The following CSMD1 variants were observed in gnomAD, a reference collection of about 807,000 sequenced individuals.
CSMD1 encodes CUB and Sushi multiple domains 1.
Under a neutral mutation model 417.5 loss-of-function variants are expected in CSMD1, and 213 were observed. The ratio of observed to expected loss-of-function variants is 0.51; its 90% CI spans 0.46 to 0.57. The LOEUF (loss-of-function observed/expected upper bound fraction) is 0.57. Among genes scored for constraint, CSMD1 ranks in the 20% least tolerant of loss-of-function variants. The probability of loss-of-function intolerance (pLI) is 0.00; values close to 1 mark genes in which losing one functional copy is unlikely to be tolerated. For synonymous variants in CSMD1, 2,862 were observed against 1,736.8 expected, an observed-to-expected ratio of 1.65 and a Z score of -16.11; for missense variants, 6,923 against 4,529.7, an observed-to-expected ratio of 1.53 and a Z score of -15.17.
At chr8:4,153,985 G>C (rs1796699151) in intron 3 of CSMD1, among the ~76,000 whole-genome samples, 1 of 152,162 alleles carries the variant, frequency 6.6e-6, no homozygotes, top group Admixed American at 6.5e-5. Flanking sequence ...TGAGAAGGCA[G>C]AATCCAATGA....
At chr8:4,291,154 T>C (rs1386713297) in intron 3 of CSMD1, among the ~76,000 whole-genome samples, 1 of 152,186 alleles carries the variant, frequency 6.6e-6, no homozygotes, top group African/African-American at 2.4e-5. Context: ...GGTTTGGGGA[T>C]TATCTATATT....
At chr8:4,463,089 T>C (rs758222221) in intron 2 of CSMD1, among the ~76,000 whole-genome samples, 3 of 152,130 alleles carry the variant, frequency 2.0e-5, no homozygotes, top group Admixed American at 6.6e-5. Flanking sequence ...CTCTTAAAAC[T>C]CAGCAATAAA....
At chr8:2,951,011 A>G (rs1802588464) in intron 66 of CSMD1, 103 bp downstream of exon 66, 4 of 1,191,742 alleles carry the variant, frequency 3.4e-6, no homozygotes, top group East Asian at 2.5e-5. Flanking sequence ...AAGCCAACAG[A>G]ACAGTAATAA....
chr8:4,918,081 G>C (rs552428947), intron 1 of CSMD1, among the ~76,000 whole-genome samples: 5,826 of 110,952 alleles, frequency 0.053, 151 homozygotes, highest in South Asian at 0.084. Context: ...TTATGAGTTA[G>C]CAATACTTTT....
intron 52 of CSMD1, among the ~76,000 whole-genome samples, chr8:3,001,470 G>A (rs1042919529): frequency 6.6e-6 from 1 of 152,106 alleles, no homozygotes; most frequent in East Asian, 1.9e-4. Flanking sequence ...AATTGGACCT[G>A]TGTTACACAT....
chr8:4,550,633 G>T (rs1465681582), intron 2 of CSMD1, among the ~76,000 whole-genome samples: 1 of 152,058 alleles, frequency 6.6e-6, no homozygotes, highest in Admixed American at 6.6e-5. Flanking sequence ...TAGATGTTGG[G>T]ATTTAAAAGG....
intron 6 of CSMD1, among the ~76,000 whole-genome samples, chr8:3,731,283 C>G (rs1278782032): frequency 6.6e-6 from 1 of 152,190 alleles, no homozygotes; most frequent in African/African-American, 2.4e-5. Context: ...TATGGAGATA[C>G]AGATGCATCT....
chr8:3,462,156 A>C (rs1816545821), intron 12 of CSMD1, among the ~76,000 whole-genome samples: 1 of 150,732 alleles, frequency 6.6e-6, no homozygotes, highest in African/African-American at 2.4e-5. Flanking sequence ...CTCGGGACCC[A>C]CACTGCATTT....
rs1813620938 is a variant in CSMD1, at chr8:3,978,602, G to C, written c.818+19301C>G. Among the ~76,000 whole-genome samples, 4 of 152,096 alleles carry C rather than the reference G, an allele frequency of 2.6e-5. No homozygotes were observed. The Middle Eastern group carries it at 0.014, about 517-fold the overall frequency. ...AATGAATAGATTGAGGCATGTTGGG[G>C]GTAAATAATTGGAAGGAAACGTCTC... On this transcript the variant is annotated intron_variant, in intron 5 of 69. Transcript: ENST00000635120.
rs375018980 is a variant in CSMD1 at position 3,772,167 on chromosome 8, C to CATATATATATAT, written c.819-18137_819-18126dup. Among the ~76,000 whole-genome samples, 407 of 44,866 alleles carry CATATATATATAT rather than the reference C, an allele frequency of 9.1e-3. 30 individuals are homozygous for CATATATATATAT. Among genetic ancestry groups the CATATATATATAT allele is most frequent in the East Asian group, 0.04 (63 of 1,576 alleles). 29.4% of individuals were successfully genotyped at this position (44,866 alleles called of 152,430 possible). A position where few individuals can be genotyped will look rare whatever the true frequency, so the allele number is the denominator to read the frequency against. On this transcript the variant is annotated intron_variant, in intron 5 of 69. Transcript: ENST00000635120. ...CTCCTTGAATTCTCAGAAAGGGCAA[C>CATATATATATAT]ATATATATATATATATATATATACA...
intron 5 of CSMD1, among the ~76,000 whole-genome samples, chr8:3,805,686 T>C (rs964569613): frequency 3.9e-5 from 6 of 152,130 alleles, no homozygotes; most frequent in African/African-American, 9.7e-5. Context: ...TACTGTACCA[T>C]TGTGTTTCAT....
chr8:4,007,456 T>C (rs769920403), intron 4 of CSMD1, among the ~76,000 whole-genome samples: 2 of 152,178 alleles, frequency 1.3e-5, no homozygotes, highest in African/African-American at 2.4e-5. Flanking sequence ...TCTCCCTGTC[T>C]GACTTCAGAG....
rs181668156 is a variant in CSMD1 at position 4,679,650 on chromosome 8, G to A, written c.86-42092C>T. Among the ~76,000 whole-genome samples the A allele has an allele frequency of 8.5e-5, 13 of 152,130 alleles. No individual in the cohort carries two copies. In the East Asian group the frequency reaches 1.9e-3, roughly 23 times the overall value. Reference sequence around the variant, plus strand: ...ATCTACAAAAGATAATATCTTACTAGGAAGTTAGGAGGATCAAACAACATA... The same window carrying A: ...ATCTACAAAAGATAATATCTTACTAAGAAGTTAGGAGGATCAAACAACATA... On this transcript the variant is annotated intron_variant, in intron 1 of 69. Transcript: ENST00000635120.
intron 26 of CSMD1, among the ~76,000 whole-genome samples, chr8:3,252,203 A>G (rs911804888): frequency 5.9e-5 from 9 of 152,198 alleles, no homozygotes; most frequent in African/African-American, 2.2e-4. Flanking sequence ...TGGGTTTGTC[A>G]TAGATAGCTC....
chr8:4,287,368 G>A (rs17335036), intron 3 of CSMD1, among the ~76,000 whole-genome samples: 15,942 of 152,214 alleles, frequency 0.1, 1,078 homozygotes, highest in Non-Finnish European at 0.15. Context: ...ACACAATCTA[G>A]AGGAACAATG....
intron 26 of CSMD1, among the ~76,000 whole-genome samples, chr8:3,268,872 A>G (rs1017276968): frequency 1.3e-5 from 2 of 152,148 alleles, no homozygotes; most frequent in Non-Finnish European, 2.9e-5. Context: ...CCCTTCCAAC[A>G]TGAGCTGGAT....
chr8:3,258,465 A>G (rs1800817025), intron 26 of CSMD1, among the ~76,000 whole-genome samples: 2 of 152,360 alleles, frequency 1.3e-5, no homozygotes, highest in East Asian at 3.9e-4. Flanking sequence ...GAGGTTGTGG[A>G]GAGAAAGGAA....
chr8:4,596,961 A>T (rs1585307516), intron 2 of CSMD1, among the ~76,000 whole-genome samples: 2 of 151,940 alleles, frequency 1.3e-5, no homozygotes, highest in Admixed American at 6.6e-5. Context: ...TTCTCTTGCC[A>T]CCTCCATGTT....
intron 3 of CSMD1, among the ~76,000 whole-genome samples, chr8:4,362,756 G>A (rs151130604): frequency 1.3e-5 from 2 of 152,246 alleles, no homozygotes; most frequent in South Asian, 2.1e-4. Flanking sequence ...TTTACTTACT[G>A]AGCAATTTAG....
Sources: gnomAD v4.1 joint callset for allele counts (sites outside exome capture counted in the v4.1 genomes callset) on GRCh38, gnomAD v4.1.1 for gene constraint, MANE v1.5 for transcripts, NCBI Gene and HGNC (gene_info 2026-07-23, HGNC 2026-07-21) for gene names.